Variants in PTER observed in about 807,000 individuals in gnomAD.
PTER encodes phosphotriesterase related, also known as N-acetyltaurine hydrolase.
In PTER, 38 loss-of-function variants were observed where a neutral mutation model predicts 29.6. That is an observed-to-expected ratio of 1.28 (90% CI 0.99 to 1.68). The LOEUF is 1.68. Ranked by LOEUF, PTER falls within the 40% of genes most tolerant of loss-of-function variation. The pLI is 0.00. For missense variants in PTER, 482 were observed against 427.8 expected, an observed-to-expected ratio of 1.13 and a Z score of -1.12; for synonymous variants, 172 against 154.5, an observed-to-expected ratio of 1.11 and a Z score of -0.84.
At chr10:16,506,235 G>C (rs1043948338) in intron 4 of PTER, among the ~76,000 whole-genome samples, 1 of 152,158 alleles carries the variant, frequency 6.6e-6, no homozygotes, top group Admixed American at 6.5e-5. Context: ...TGGGCCGTGA[G>C]GAAGAGGAGA....
chr10:16,468,374 CTT>C (rs5783507), intron 1 of PTER, among the ~76,000 whole-genome samples: 33 of 148,614 alleles, frequency 2.2e-4, no homozygotes, highest in South Asian at 2.1e-4. Flanking sequence ...ATGTTTAGCT[CTT>C]TTTTTTTTTT....
intron 3 of PTER, among the ~76,000 whole-genome samples, chr10:16,498,894 G>C (rs1588626643): frequency 1.3e-5 from 2 of 152,194 alleles, no homozygotes; most frequent in South Asian, 4.1e-4. Context: ...TTTCACATGG[G>C]TAAGTCACCT....
chr10:16,508,357 C>T (rs751861826), intron 4 of PTER, among the ~76,000 whole-genome samples: 39 of 152,198 alleles, frequency 2.6e-4, no homozygotes, highest in East Asian at 1.9e-3. Context: ...TGTGAGCCAC[C>T]GCGCCCGGCC....
At chr10:16,494,589 T>A (rs947788933) in intron 3 of PTER, among the ~76,000 whole-genome samples, 1 of 152,248 alleles carries the variant, frequency 6.6e-6, no homozygotes, top group African/African-American at 2.4e-5. Context: ...TTGAAATACC[T>A]ACGTATTTGG....
At chr10:16,509,524 C>A (rs1343518459) in intron 4 of PTER, among the ~76,000 whole-genome samples, 1 of 152,094 alleles carries the variant, frequency 6.6e-6, no homozygotes, top group East Asian at 1.9e-4. Flanking sequence ...TTGGAAAATG[C>A]CCAGAAAATA....
chr10:16,505,726 C>T (rs892206689), intron 4 of PTER, among the ~76,000 whole-genome samples: 13 of 152,226 alleles, frequency 8.5e-5, no homozygotes, highest in African/African-American at 2.4e-4. Context: ...AAATTTTAGG[C>T]GTCAATGATA....
chr10:16,439,611 A>G (rs1462213636), intron 1 of PTER, among the ~76,000 whole-genome samples: 1 of 152,232 alleles, frequency 6.6e-6, no homozygotes, highest in Non-Finnish European at 1.5e-5. Context: ...GAGCTTGGTA[A>G]ATGTCCACCT....
chr10:16,500,028 C>T (rs1836273318), intron 3 of PTER, among the ~76,000 whole-genome samples: 1 of 143,712 alleles, frequency 7.0e-6, no homozygotes, highest in Non-Finnish European at 1.5e-5. Context: ...GAGCCACTCA[C>T]TGCATCTGGC....
At chr10:16,506,733 G>A (rs11815422) in intron 4 of PTER, among the ~76,000 whole-genome samples, 4,541 of 151,988 alleles carry the variant, frequency 0.03, 200 homozygotes, top group African/African-American at 0.1. Context: ...ATGTCCTCTA[G>A]TGTCTCTGTG....
At position 16,486,469 on chromosome 10, in the gene PTER, C is replaced by G; in HGVS notation, c.550C>G (p.Leu184Val). The change falls in exon 3 of 5, where the codon CTC (leucine) becomes GTC (valine). Residue 184 changes from leucine to valine, a missense_variant. By Grantham distance (32) the Leu-to-Val change is conservative (BLOSUM62 1). Coordinates refer to ENST00000535784, the MANE Select transcript of PTER (RefSeq NM_001261836.2). ...TTTGACTGAGAGTGAAAGAAAGGTT[C>G]TCCAGGCCACAGCTCATGCCCAGGC... ...WPLTESERKV[L>V]QATAHAQAQL... 1.2e-6 allele frequency: 2 copies of G among 1,614,044 alleles called. No individual in the cohort carries two copies. The highest frequency in any genetic ancestry group is 2.2e-5 in the South Asian group (2 of 91,084).
At chr10:16,502,846 G>A (rs545207817) in intron 3 of PTER, among the ~76,000 whole-genome samples, 6 of 151,522 alleles carry the variant, frequency 4.0e-5, no homozygotes, top group Admixed American at 2.0e-4. Flanking sequence ...ACAATTAGCC[G>A]GGAGCAGTGG....
Position 16,511,099 on chromosome 10 carries a change from A to G in PTER, c.893A>G (p.Asp298Gly). The G allele has an allele frequency of 6.2e-7, 1 of 1,614,080 alleles. No homozygotes were observed. Among genetic ancestry groups the G allele is most frequent in the South Asian group, 1.1e-5 (1 of 91,066 alleles). Residue 298 changes from aspartate (D) to glycine (G), a missense_variant, in exon 5 of 5, where the codon GAC (aspartate) becomes GGC (glycine). Asp to Gly is a moderately conservative substitution (Grantham distance 94). Transcript: ENST00000535784. ...GAAGATCGAATTCTGGTAGCACATG[A>G]CATACATACGAAAACCCGGCTGATG... ...GCEDRILVAH[D>G]IHTKTRLMKY...
intron 1 of PTER, among the ~76,000 whole-genome samples, chr10:16,447,429 G>A (rs757591915): frequency 6.6e-6 from 1 of 152,018 alleles, no homozygotes; most frequent in African/African-American, 2.4e-5. Flanking sequence ...TGGAATTTTC[G>A]TAATGCATTA....
intron 1 of PTER, among the ~76,000 whole-genome samples, chr10:16,473,476 C>T (rs1300923555): frequency 1.4e-5 from 2 of 140,880 alleles, no homozygotes; most frequent in African/African-American, 5.3e-5. Context: ...GCCGAAATCG[C>T]ACCACTGCAC....
rs77621852 is a variant in PTER at position 16,456,862 on chromosome 10, T to C, written c.-49+19815T>C. On this transcript the variant is annotated intron_variant, in intron 1 of 4. Coordinates refer to ENST00000535784, the MANE Select transcript of PTER (RefSeq NM_001261836.2). The stretch of plus-strand genomic sequence containing the variant: ...GGAGGTAACTGAACCATGGGGAAGG[T>C]GGGGGGGGGTTCCGCCATGCTGTTC... 9.7e-5 allele frequency among the ~76,000 whole-genome samples: 11 copies of C among 113,592 alleles called. 1 individual carries two copies. Among genetic ancestry groups the C allele is most frequent in the African/African-American group, 3.3e-4 (10 of 30,708 alleles). The allele number at this position is 113,592 out of a possible 152,430, so 74.5% of individuals were successfully genotyped here. A position where few individuals can be genotyped will look rare whatever the true frequency, so the allele number is the denominator to read the frequency against.
Position 16,505,048 on chromosome 10 carries a change from G to T in PTER, c.727G>T (p.Glu243Ter). 6.2e-7 allele frequency: 1 copy of T among 1,613,924 alleles called. No individual in the cohort carries two copies. The highest frequency in any genetic ancestry group is 8.5e-7 in the Non-Finnish European group (1 of 1,179,914). The change falls in exon 4 of 5, where the codon GAG (glutamate) becomes TAG (stop). Residue 243 changes from glutamate (E) to a stop codon, truncating the protein, a stop_gained. Transcript: ENST00000535784. LOFTEE classifies it high-confidence loss of function. Reference protein sequence around the residue: ...RTILDKKELLEFAQLGCYLEY... With the variant: ...RTILDKKELL ...TATTCTTGATAAGAAAGAGCTCTTG[G>T]AGTTTGCTCAACTTGGCTGCTACTT...
chr10:16,481,424 G>C (rs1267912935), intron 1 of PTER, among the ~76,000 whole-genome samples: 1 of 152,194 alleles, frequency 6.6e-6, no homozygotes, highest in Non-Finnish European at 1.5e-5. Flanking sequence ...GCTGAATGCA[G>C]AGGGAAAAGG....
chr10:16,451,923 T>C (rs961663179), intron 1 of PTER, among the ~76,000 whole-genome samples: 3 of 152,148 alleles, frequency 2.0e-5, no homozygotes, highest in African/African-American at 4.8e-5. Flanking sequence ...TCATCAGTTC[T>C]TGTGAAACTT....
intron 3 of PTER, among the ~76,000 whole-genome samples, chr10:16,503,253 G>GT (rs1836433396): frequency 6.6e-6 from 1 of 150,948 alleles, no homozygotes; most frequent in East Asian, 2.0e-4. Context: ...TTGAGATGGA[G>GT]TCTTGCTCTG....
Sources: gnomAD v4.1 joint callset for allele counts (sites outside exome capture counted in the v4.1 genomes callset) on GRCh38, gnomAD v4.1.1 for gene constraint, MANE v1.5 for transcripts, NCBI Gene and HGNC (gene_info 2026-07-23, HGNC 2026-07-21) for gene names.